The following LRRC37A2 variants were observed in gnomAD, a reference collection of about 807,000 sequenced individuals.
LRRC37A2 encodes leucine rich repeat containing 37 member A2, also known as leucine-rich repeat-containing protein 37A2.
A neutral mutation model predicts 68.8 loss-of-function variants in LRRC37A2; 9 were observed. That is an observed-to-expected ratio of 0.13 (90% CI 0.08 to 0.23). The LOEUF (loss-of-function observed/expected upper bound fraction) is 0.23. LRRC37A2 is among the 10% of genes least tolerant of loss of function. The pLI, the probability that LRRC37A2 is intolerant of heterozygous loss-of-function variation, is 1.00. For missense variants in LRRC37A2, 168 were observed against 950.4 expected (o/e 0.18, Z 10.82); for synonymous variants, 63 against 367.6 (o/e 0.17, Z 9.48).
At chr17:46,847,380 G>A in the LRRC37A2 span, among the ~76,000 whole-genome samples, 1 of 152,234 alleles carries the variant, frequency 6.6e-6, no homozygotes, top group Admixed American at 6.5e-5. Flanking sequence ...TCTGTATAAT[G>A]GGGACAATCA....
At chr17:46,957,351 G>A in the LRRC37A2 span, among the ~76,000 whole-genome samples, 1 of 152,100 alleles carries the variant, frequency 6.6e-6, no homozygotes. Flanking sequence ...TGTGGCTCAC[G>A]CCTGTATTCC....
At chr17:47,015,006 C>CTTTTTTTTTT in the LRRC37A2 span, among the ~76,000 whole-genome samples, 8 of 106,140 alleles carry the variant, frequency 7.5e-5, 1 homozygote, top group Non-Finnish European at 9.1e-5. Context: ...CCATTTTTAT[C>CTTTTTTTTTT]TTTTTTTTTT....
chr17:46,789,205 G>A, the LRRC37A2 span, among the ~76,000 whole-genome samples: 2 of 152,264 alleles, frequency 1.3e-5, no homozygotes, highest in East Asian at 1.9e-4. Flanking sequence ...GGGCCCAGAG[G>A]CCACCCTCCC....
chr17:46,764,133 G>C, the LRRC37A2 span: 1 of 152,276 alleles, frequency 6.6e-6, no homozygotes, highest in Non-Finnish European at 1.5e-5. Flanking sequence ...AATGGGAGTG[G>C]ACCAAGAAAA....
chr17:46,719,352 G>C, the LRRC37A2 span, among the ~76,000 whole-genome samples: 7 of 152,254 alleles, frequency 4.6e-5, no homozygotes, highest in Admixed American at 1.3e-4. This position sits in a 1 kb window ranked among gnomAD's most constrained non-coding sequence, Gnocchi z 4.3. Context: ...GGGCTGTTAG[G>C]CTTGCTTTAA....
the LRRC37A2 span, among the ~76,000 whole-genome samples, chr17:46,996,658 T>C: frequency 6.6e-6 from 1 of 152,212 alleles, no homozygotes. Context: ...ATTATTAATT[T>C]CTTTAGAGAC....
At chr17:47,030,085 A>ATCATCATC in the LRRC37A2 span, among the ~76,000 whole-genome samples, 2 of 49,566 alleles carry the variant, frequency 4.0e-5, no homozygotes, top group South Asian at 5.5e-4. Context: ...TAATAATAAT[A>ATCATCATC]ATAATCATCA....
the LRRC37A2 span, chr17:46,975,190 A>G: frequency 1.3e-5 from 2 of 152,146 alleles, no homozygotes; most frequent in South Asian, 2.1e-4. Flanking sequence ...TATCGCTCCT[A>G]TTTTGTAGGT....
At chr17:46,940,122 C>T in the LRRC37A2 span, 2 of 1,229,754 alleles carry the variant, frequency 1.6e-6, no homozygotes, top group Middle Eastern at 3.3e-4. Flanking sequence ...CTTCACCTCT[C>T]TTGTTCCCCT....
At chr17:46,895,747 G>A in the LRRC37A2 span, among the ~76,000 whole-genome samples, 2 of 152,198 alleles carry the variant, frequency 1.3e-5, no homozygotes, top group South Asian at 2.1e-4. Context: ...GCTTCCCCAC[G>A]GCTCTGTGCT....
the LRRC37A2 span, among the ~76,000 whole-genome samples, chr17:46,815,015 G>A: frequency 2.0e-5 from 3 of 152,212 alleles, no homozygotes; most frequent in Admixed American, 2.0e-4. Context: ...TGGGTGAAGT[G>A]TAAGGAAGCA....
chr17:47,047,235 G>C, the LRRC37A2 span: 3 of 181,714 alleles, frequency 1.7e-5, no homozygotes, highest in East Asian at 5.1e-4. Context: ...CATTGCAACA[G>C]TGCATGTCTG....
chr17:46,929,664 G>T, the LRRC37A2 span: 1 of 781,034 alleles, frequency 1.3e-6, no homozygotes, highest in Non-Finnish European at 2.3e-6. Context: ...ACTGCACTCT[G>T]CCTTGGGGGC....
chr17:46,478,673 G>T, the LRRC37A2 span, among the ~76,000 whole-genome samples: 1 of 112,168 alleles, frequency 8.9e-6, no homozygotes, highest in Non-Finnish European at 2.1e-5. Flanking sequence ...AACCCTCCAC[G>T]TGCAGTAACA....
chr17:46,805,311 G>C, the LRRC37A2 span, among the ~76,000 whole-genome samples: 7 of 152,104 alleles, frequency 4.6e-5, no homozygotes, highest in East Asian at 1.2e-3. Context: ...AGTGGCTCAC[G>C]CCTGTAATCC....
chr17:46,908,920 C>T, the LRRC37A2 span, among the ~76,000 whole-genome samples: 1 of 152,206 alleles, frequency 6.6e-6, no homozygotes, highest in Non-Finnish European at 1.5e-5. Context: ...CCACTTTGTA[C>T]ATCTGCATGA....
At chr17:47,020,558 T>A in the LRRC37A2 span, among the ~76,000 whole-genome samples, 1 of 150,644 alleles carries the variant, frequency 6.6e-6, no homozygotes, top group African/African-American at 2.4e-5. Context: ...GGTGGGCGGA[T>A]CACGAGGTCA....
chr17:46,778,079 C>T, the LRRC37A2 span, among the ~76,000 whole-genome samples: 1 of 152,212 alleles, frequency 6.6e-6, no homozygotes, highest in Admixed American at 6.5e-5. Context: ...CAGTGCATGG[C>T]ACGTGGGGAG....
At chr17:46,545,568 C>T (rs2056174157) in intron 8 of LRRC37A2, among the ~76,000 whole-genome samples, 1 of 127,840 alleles carries the variant, frequency 7.8e-6, no homozygotes, top group South Asian at 2.5e-4. Context: ...AATGATAATC[C>T]TTGTCTGAAT....
Sources: gnomAD v4.1 joint callset for allele counts (sites outside exome capture counted in the v4.1 genomes callset) on GRCh38, gnomAD v4.1.1 for gene constraint, Gnocchi (gnomAD v3.1) non-coding constraint, MANE v1.5 for transcripts, NCBI Gene and HGNC (gene_info 2026-07-23, HGNC 2026-07-21) for gene names.